DOCK10: variants seen among roughly 807,000 people sequenced by gnomAD.
DOCK10 encodes dedicator of cytokinesis protein 10.
In DOCK10, 145 loss-of-function variants were observed where a neutral mutation model predicts 280.1. The observed-to-expected ratio is 0.52, with a 90% CI of 0.45 to 0.59. The LOEUF (loss-of-function observed/expected upper bound fraction) is 0.59. DOCK10 is among the 20% of genes least tolerant of loss of function. The probability of loss-of-function intolerance (pLI) is 0.00; values close to 1 mark genes in which losing one functional copy is unlikely to be tolerated. For synonymous variants in DOCK10, 915 were observed against 942.2 expected, an observed-to-expected ratio of 0.97 and a Z score of 0.53; for missense variants, 2,368 against 2,651.7, an observed-to-expected ratio of 0.89 and a Z score of 2.35.
At chr2:225,013,564 A>C (rs571048037) in intron 1 of DOCK10, among the ~76,000 whole-genome samples, 1 of 152,288 alleles carries the variant, frequency 6.6e-6, no homozygotes, top group Non-Finnish European at 1.5e-5. Context: ...AACCAAAGTG[A>C]AGTGGAGAGC....
At chr2:224,818,362 C>G (rs1393339277) in intron 29 of DOCK10, among the ~76,000 whole-genome samples, 2 of 149,906 alleles carry the variant, frequency 1.3e-5, no homozygotes. Flanking sequence ...TGACGCATGA[C>G]TGTATTCCTT....
chr2:224,941,112 T>C (rs1703036970), intron 1 of DOCK10, among the ~76,000 whole-genome samples: 1 of 152,096 alleles, frequency 6.6e-6, no homozygotes, highest in Admixed American at 6.5e-5. Context: ...ACCACTATCA[T>C]ACATAATGGC....
intron 1 of DOCK10, among the ~76,000 whole-genome samples, chr2:225,037,556 A>G (rs993874989): frequency 1.3e-5 from 2 of 152,212 alleles, no homozygotes; most frequent in African/African-American, 2.4e-5. Flanking sequence ...AGGATGTCCC[A>G]TATCAGTTAC....
chr2:224,842,541 CA>C (rs1305091838), intron 22 of DOCK10, among the ~76,000 whole-genome samples: 1 of 152,126 alleles, frequency 6.6e-6, no homozygotes, highest in Non-Finnish European at 1.5e-5. Flanking sequence ...TCCAGAAAGG[CA>C]TTTGTAGCTT....
At chr2:224,992,282 A>G (rs1249364569) in intron 1 of DOCK10, among the ~76,000 whole-genome samples, 1 of 152,232 alleles carries the variant, frequency 6.6e-6, no homozygotes, top group Non-Finnish European at 1.5e-5. Flanking sequence ...CGTCTTAAAC[A>G]TTCCAAGTTA....
intron 1 of DOCK10, among the ~76,000 whole-genome samples, chr2:224,984,754 C>T (rs6720530): frequency 0.1 from 15,269 of 151,706 alleles, 2,450 homozygotes; most frequent in African/African-American, 0.34. Flanking sequence ...TTTTACATAG[C>T]AAATTAAGCT....
At chr2:224,915,203 T>C (rs1701239856) in intron 3 of DOCK10, among the ~76,000 whole-genome samples, 1 of 133,516 alleles carries the variant, frequency 7.5e-6, no homozygotes, top group South Asian at 2.5e-4. Context: ...CAGACCTGGT[T>C]TGAATAAGTC....
At chr2:225,009,638 C>CAAAA (rs10639609) in intron 1 of DOCK10, among the ~76,000 whole-genome samples, 18,814 of 134,970 alleles carry the variant, frequency 0.14, 1,698 homozygotes, top group Non-Finnish European at 0.2. Context: ...AGCCCTAAGG[C>CAAAA]AAAAAAAAAA....
chr2:224,775,044 T>TTCC lies in DOCK10; in HGVS notation c.5871_5873dup (p.Glu1958dup). ...CTGTCTTCCGGTCTTCGATTTCCTT[T>TTCC]TCCTCAAAGAACGGCGTCACATAGG... On this transcript the variant is annotated inframe_insertion, in exon 52 of 56. Coordinates refer to ENST00000258390, the MANE Select transcript of DOCK10 (RefSeq NM_014689.3). 1 of 1,614,026 alleles carries TTCC rather than the reference T, an allele frequency of 6.2e-7. No homozygotes were observed. The highest frequency in any genetic ancestry group is 8.5e-7 in the Non-Finnish European group (1 of 1,179,882).
Position 224,801,989 on chromosome 2 carries a change from A to C in DOCK10, c.4320T>G (p.Thr1440=), listed in dbSNP as rs1377566404. Residue 1440 remains threonine, a synonymous_variant, in exon 40 of 56, where the codon ACT becomes ACG. Coordinates refer to ENST00000258390, the MANE Select transcript of DOCK10 (RefSeq NM_014689.3). ...CATTTTTGCCTCGAATTATAGGTAA[A>C]GTTTGTGATCTGTGCTGCTTATGGC... ...HEGHKQHRSQ[T]LPIIRGKNAL... 10 of 1,613,178 alleles carry C rather than the reference A, an allele frequency of 6.2e-6. No homozygotes were observed. The highest frequency in any genetic ancestry group is 8.5e-6 in the Non-Finnish European group (10 of 1,179,396).
At chr2:224,978,365 G>A (rs1219831619) in intron 1 of DOCK10, among the ~76,000 whole-genome samples, 6 of 152,204 alleles carry the variant, frequency 3.9e-5, no homozygotes, top group Admixed American at 2.0e-4. Context: ...CCCTGGAAGC[G>A]GAGGTTGCAG....
At chr2:224,865,442 A>C (rs1254505101) in intron 11 of DOCK10, among the ~76,000 whole-genome samples, 1 of 152,236 alleles carries the variant, frequency 6.6e-6, no homozygotes, top group Non-Finnish European at 1.5e-5. Flanking sequence ...TCGAGACTGC[A>C]CTGTGGTTGA....
intron 53 of DOCK10, among the ~76,000 whole-genome samples, chr2:224,771,436 C>T (rs890098631): frequency 6.6e-6 from 1 of 152,208 alleles, no homozygotes; most frequent in Non-Finnish European, 1.5e-5. Flanking sequence ...GCCCTAGAAT[C>T]AGTGTTTCAC....
rs576370035 is a variant in DOCK10 at position 224,798,785 on chromosome 2, C to T, written c.4507-816G>A. On this transcript the variant is annotated intron_variant, in intron 41 of 55. Coordinates refer to ENST00000258390, the MANE Select transcript of DOCK10 (RefSeq NM_014689.3). ...TAGCTGGGACTACAGGCATGTGCCACCATAGTTGACTAATTTTTTAAATTT... is the reference window on the plus strand; with the variant it reads ...TAGCTGGGACTACAGGCATGTGCCATCATAGTTGACTAATTTTTTAAATTT... 7.2e-5 allele frequency among the ~76,000 whole-genome samples: 11 copies of T among 152,200 alleles called. No individual in the cohort carries two copies. The South Asian group carries it at 2.3e-3, about 32-fold the overall frequency.
intron 27 of DOCK10, 136 bp downstream of exon 27, chr2:224,830,405 A>G: frequency 4.5e-6 from 2 of 445,088 alleles, no homozygotes; most frequent in Non-Finnish European, 3.8e-6. Context: ...CATTTCTTCT[A>G]CTTATAAAGT....
At position 225,014,081 on chromosome 2, in the gene DOCK10, A is replaced by ATATATATATATATTTT. The variant is rs776104946; in HGVS notation, c.123+28170_123+28171insAAAATATATATATATA. Reference sequence around the variant, plus strand: ...AAAAAATCCCCAGAAGTCTGAATATATTGTTTTTTTTTTTTTGTTTTTTTT... The same window carrying ATATATATATATATTTT: ...AAAAAATCCCCAGAAGTCTGAATATATATATATATATATTTTTTGTTTTTTTTTTTTTGTTTTTTTT... On this transcript the variant is annotated intron_variant, in intron 1 of 55. Coordinates refer to ENST00000258390, the MANE Select transcript of DOCK10 (RefSeq NM_014689.3). Among the ~76,000 whole-genome samples the ATATATATATATATTTT allele has an allele frequency of 5.2e-5, 5 of 96,800 alleles. No individual in the cohort carries two copies. In the South Asian group the frequency reaches 1.8e-3, roughly 34 times the overall value. 63.5% of individuals were successfully genotyped at this position (96,800 alleles called of 152,430 possible).
In DOCK10 at chr2:224,890,625, G is replaced by T. The variant is rs538583074; in HGVS notation, c.417-4094C>A. On this transcript the variant is annotated intron_variant, in intron 4 of 55. Transcript: ENST00000258390. ...TACTCAGAAAGGAAAAGAAGCTACT[G>T]ATACGTGCAACAACGTGGATATCAC... 2.0e-5 allele frequency among the ~76,000 whole-genome samples: 3 copies of T among 152,344 alleles called. No homozygotes were observed. The South Asian group carries it at 6.2e-4, about 32-fold the overall frequency.
At chr2:225,026,753 G>C (rs191395545) in intron 1 of DOCK10, among the ~76,000 whole-genome samples, 12 of 152,242 alleles carry the variant, frequency 7.9e-5, no homozygotes, top group South Asian at 2.1e-4. Flanking sequence ...AATCACCTAG[G>C]GGGGGTTTTG....
chr2:224,808,373 A>G (rs1693541029), intron 31 of DOCK10, among the ~76,000 whole-genome samples: 1 of 152,202 alleles, frequency 6.6e-6, no homozygotes, highest in Non-Finnish European at 1.5e-5. Flanking sequence ...GAGAGGGGGA[A>G]AAACACATTT....
Sources: allele counts gnomAD v4.1 joint callset (sites outside exome capture counted in the v4.1 genomes callset), GRCh38; gene constraint gnomAD v4.1.1; transcripts MANE v1.5; gene names NCBI Gene and HGNC (gene_info 2026-07-23, HGNC 2026-07-21).